Variants in LUZP2 observed in about 807,000 individuals in gnomAD.
LUZP2 encodes leucine zipper protein 2.
LUZP2 carries 52 observed loss-of-function variants against 51.6 expected under a neutral mutation model. That is an observed-to-expected ratio of 1.01 (90% CI 0.81 to 1.27). The LOEUF is 1.27. Among genes scored for constraint, LUZP2 ranks in the 50% most tolerant of loss-of-function variants. The pLI is 0.00. For synonymous variants in LUZP2, 154 were observed against 137.3 expected (o/e 1.12, Z -0.85); for missense variants, 436 against 395.4 (o/e 1.10, Z -0.87).
chr11:24,957,169 C>A lies in LUZP2; in HGVS notation c.523-19422C>A, dbSNP rs184206630. Among the ~76,000 whole-genome samples the A allele has an allele frequency of 3.7e-3, 563 of 152,120 alleles. 2 individuals are homozygous for A. Among genetic ancestry groups the A allele is most frequent in the African/African-American group, 0.013 (532 of 41,516 alleles). Reference sequence around the variant, plus strand: ...AGCCCTGTTTGGAGTCAGAAAAATGCGGTACCAAAACCTAGCTGTTATCTT... The same window carrying A: ...AGCCCTGTTTGGAGTCAGAAAAATGAGGTACCAAAACCTAGCTGTTATCTT... On this transcript the variant is annotated intron_variant, in intron 7 of 11. Transcript: ENST00000336930.
intron 9 of LUZP2, among the ~76,000 whole-genome samples, chr11:24,998,795 TA>T (rs1856587617): frequency 1.3e-5 from 2 of 152,160 alleles, no homozygotes; most frequent in African/African-American, 4.8e-5. Context: ...ATCTTGATGA[TA>T]AAAGACTCAC....
chr11:24,903,404 A>C (rs772910136), intron 5 of LUZP2, among the ~76,000 whole-genome samples: 2 of 152,206 alleles, frequency 1.3e-5, no homozygotes, highest in African/African-American at 4.8e-5. Context: ...GAGGAAAAAA[A>C]CAAGTATTCT....
intron 1 of LUZP2, chr11:24,646,494 A>G (rs1460448026): frequency 3.3e-6 from 2 of 613,276 alleles, no homozygotes; most frequent in Non-Finnish European, 4.1e-6. Flanking sequence ...TTAATGCTTT[A>G]CCTTATTGGA....
At chr11:24,974,359 C>A (rs1855828450) in intron 7 of LUZP2, among the ~76,000 whole-genome samples, 1 of 151,982 alleles carries the variant, frequency 6.6e-6, no homozygotes, top group Admixed American at 6.6e-5. Context: ...TTGAAGACAG[C>A]ATATGGATGG....
chr11:24,695,996 G>A (rs191663720), intron 1 of LUZP2, among the ~76,000 whole-genome samples: 21 of 152,136 alleles, frequency 1.4e-4, no homozygotes, highest in South Asian at 4.1e-4. Flanking sequence ...ACTTGGGATC[G>A]GTATATGTGT....
At chr11:24,713,478 A>G (rs1476110089) in intron 1 of LUZP2, among the ~76,000 whole-genome samples, 2 of 152,036 alleles carry the variant, frequency 1.3e-5, no homozygotes, top group Admixed American at 1.3e-4. Context: ...ATGTGCTTAT[A>G]TAGTAAGTCC....
chr11:24,855,852 A>G (rs566395998), intron 5 of LUZP2, among the ~76,000 whole-genome samples: 1 of 152,306 alleles, frequency 6.6e-6, no homozygotes, highest in East Asian at 1.9e-4. Flanking sequence ...TAGAGCATAC[A>G]CAGCAGAAAG....
At position 24,530,607 on chromosome 11, in the gene LUZP2, C is replaced by A. The variant is rs530348044; in HGVS notation, c.62+33302C>A. Among the ~76,000 whole-genome samples, 3 of 150,864 alleles carry A rather than the reference C, an allele frequency of 2.0e-5. No homozygotes were observed. The South Asian group carries it at 6.2e-4, about 31-fold the overall frequency. Reference sequence around the variant, plus strand: ...AACTGTATCTCTCCTTTCTTTGCTACCATGTCCAGTATGGCTTGTCTCACT... The same window carrying A: ...AACTGTATCTCTCCTTTCTTTGCTAACATGTCCAGTATGGCTTGTCTCACT... On this transcript the variant is annotated intron_variant, in intron 1 of 11. Transcript: ENST00000336930.
At chr11:24,675,083 A>T (rs888192494) in intron 1 of LUZP2, among the ~76,000 whole-genome samples, 12 of 152,224 alleles carry the variant, frequency 7.9e-5, no homozygotes, top group Non-Finnish European at 1.5e-4. Context: ...ATTGTGATAC[A>T]GTCCTATCTT....
chr11:25,049,550 G>A (rs183677251), intron 9 of LUZP2, among the ~76,000 whole-genome samples: 106 of 152,140 alleles, frequency 7.0e-4, no homozygotes, highest in Middle Eastern at 3.4e-3. Flanking sequence ...ATAAAGCAGA[G>A]TTTGATTAGT....
At chr11:24,598,115 AAG>A (rs1281651613) in intron 1 of LUZP2, among the ~76,000 whole-genome samples, 3 of 151,702 alleles carry the variant, frequency 2.0e-5, no homozygotes, top group Non-Finnish European at 2.9e-5. Context: ...AAAAAAAAAA[AAG>A]AGAGAGACAT....
At chr11:24,878,111 T>TTTTTTTTTA (rs1852334783) in intron 5 of LUZP2, among the ~76,000 whole-genome samples, 1 of 150,980 alleles carries the variant, frequency 6.6e-6, no homozygotes. Flanking sequence ...TTTTTTTTTT[T>TTTTTTTTTA]TTTTTTGGTG....
chr11:25,069,266 T>A (rs1189008507), intron 10 of LUZP2, among the ~76,000 whole-genome samples: 1 of 151,970 alleles, frequency 6.6e-6, no homozygotes, highest in Non-Finnish European at 1.5e-5. Flanking sequence ...TTTGCCTCAG[T>A]TGCAACAGCA....
chr11:24,602,257 A>G (rs574469484), intron 1 of LUZP2, among the ~76,000 whole-genome samples: 2 of 75,836 alleles, frequency 2.6e-5, no homozygotes. Flanking sequence ...TATATATGCA[A>G]ACATATATGT....
At position 25,011,999 on chromosome 11, in the gene LUZP2, A is replaced by G. The variant is rs187929294; in HGVS notation, c.765+28706A>G. Among the ~76,000 whole-genome samples the G allele has an allele frequency of 2.3e-3, 351 of 152,272 alleles. 1 individual carries two copies. The highest frequency in any genetic ancestry group is 8.1e-3 in the African/African-American group (335 of 41,564). On this transcript the variant is annotated intron_variant, in intron 9 of 11. Transcript: ENST00000336930. ...AAGTTTTCTGAAGGCTTGTGTATAGACACAAAAGGCAGCATTCCCTACCCT... is the reference window on the plus strand; with the variant it reads ...AAGTTTTCTGAAGGCTTGTGTATAGGCACAAAAGGCAGCATTCCCTACCCT...
At chr11:25,006,099 C>A (rs1856828413) in intron 9 of LUZP2, among the ~76,000 whole-genome samples, 1 of 114,774 alleles carries the variant, frequency 8.7e-6, no homozygotes, top group Non-Finnish European at 2.0e-5. Context: ...TCCAGATAGT[C>A]CCCCCTATGA....
chr11:24,860,588 C>G (rs961351762), intron 5 of LUZP2, among the ~76,000 whole-genome samples: 4 of 152,132 alleles, frequency 2.6e-5, no homozygotes, highest in Non-Finnish European at 4.4e-5. Flanking sequence ...AAAGAAGGAG[C>G]AGACACCCAT....
intron 5 of LUZP2, among the ~76,000 whole-genome samples, chr11:24,901,468 A>G (rs1853281148): frequency 6.6e-6 from 1 of 152,182 alleles, no homozygotes; most frequent in African/African-American, 2.4e-5. Context: ...TAAAACTTTA[A>G]GAAAACTATT....
chr11:24,626,081 G>T (rs1053292133), intron 1 of LUZP2, among the ~76,000 whole-genome samples: 1 of 152,122 alleles, frequency 6.6e-6, no homozygotes, highest in Non-Finnish European at 1.5e-5. Flanking sequence ...AGTATAAAGT[G>T]TCAACCTCGG....
Sources: allele counts gnomAD v4.1 joint callset (sites outside exome capture counted in the v4.1 genomes callset), GRCh38; gene constraint gnomAD v4.1.1; transcripts MANE v1.5; gene names NCBI Gene and HGNC (gene_info 2026-07-23, HGNC 2026-07-21).